The following FBN2 variants were observed in gnomAD, a reference collection of about 807,000 sequenced individuals.
FBN2 encodes the protein fibrillin 2.
FBN2 carries 105 observed loss-of-function variants against 355.6 expected under a neutral mutation model. The ratio of observed to expected loss-of-function variants is 0.30; its 90% CI spans 0.25 to 0.35. FBN2 has a LOEUF of 0.35. Ranked by LOEUF, FBN2 falls within the 10% of genes least tolerant of loss-of-function variation. FBN2 has a pLI of 1.00. For missense variants in FBN2, 3,280 were observed against 3,758.7 expected (o/e 0.87, Z 3.33); for synonymous variants, 1,350 against 1,301.2 (o/e 1.04, Z -0.81).
At chr5:128,465,007 C>T (rs1277603861) in intron 5 of FBN2, 86 bp from the exon 6 acceptor site, 1 of 1,278,312 alleles carries the variant, frequency 7.8e-7, no homozygotes, top group African/African-American at 1.5e-5. Flanking sequence ...AAAACAGAGA[C>T]TATTTCTTCT....
chr5:128,451,745 T>C (rs1024482885), intron 6 of FBN2, among the ~76,000 whole-genome samples: 9 of 152,190 alleles, frequency 5.9e-5, no homozygotes, highest in African/African-American at 2.2e-4. Flanking sequence ...CTCATTACAG[T>C]GTGGTATAAA....
At position 128,336,011 on chromosome 5, in the gene FBN2, G is replaced by A. The variant is rs368105987; in HGVS notation, c.3701C>T (p.Thr1234Met). The stretch of plus-strand genomic sequence containing the variant: ...ACCTGTACAGCCCTGGCGGTCTGGC[G>A]TAGCCTGATATCCAGGATTGCAAGA... ...QCSCNPGYQA[T>M]PDRQGCTDID... The change falls in exon 28 of 65, where the codon ACG (threonine) becomes ATG (methionine). Residue 1234 changes from threonine (T) to methionine (M), a missense_variant. Around this residue, in one of 6 missense-constraint regions of FBN2, gnomAD observed 2,284 missense variants for 2,749.5 expected, o/e 0.83. Transcript: ENST00000262464. 4.7e-5 allele frequency: 76 copies of A among 1,614,060 alleles called. No homozygotes were observed. Among genetic ancestry groups the A allele is most frequent in the South Asian group, 3.1e-4 (28 of 91,082 alleles).
rs1328293781 is a variant in FBN2 at position 128,514,045 on chromosome 5, T to C, written c.628+5228A>G. 2.6e-5 allele frequency among the ~76,000 whole-genome samples: 4 copies of C among 152,118 alleles called. No individual in the cohort carries two copies. In the South Asian group the frequency reaches 6.2e-4, roughly 24 times the overall value. ...AGAAATGTGTGTGTGTGTGTGTGTG[T>C]GCCTGAGGGTACATGTGAGTCTGAC... is the stretch of plus-strand genomic sequence containing the variant. On this transcript the variant is annotated intron_variant, in intron 5 of 64. Transcript: ENST00000262464.
chr5:128,471,829 T>C (rs1754868997), intron 5 of FBN2, among the ~76,000 whole-genome samples: 1 of 152,156 alleles, frequency 6.6e-6, no homozygotes, highest in South Asian at 2.1e-4. Context: ...ATACATGTAG[T>C]TTTTAATTTA....
At chr5:128,341,970 T>G (rs1295470162) in intron 25 of FBN2, among the ~76,000 whole-genome samples, 1 of 152,178 alleles carries the variant, frequency 6.6e-6, no homozygotes, top group East Asian at 1.9e-4. Context: ...ATACTCCTAA[T>G]GCATACAGGG....
At chr5:128,424,576 G>A (rs1216625083) in intron 7 of FBN2, among the ~76,000 whole-genome samples, 1 of 152,016 alleles carries the variant, frequency 6.6e-6, no homozygotes, top group Non-Finnish European at 1.5e-5. Flanking sequence ...ATTCTTTCTT[G>A]TCCCTCTTTT....
chr5:128,472,675 C>T (rs1754898106), intron 5 of FBN2, among the ~76,000 whole-genome samples: 1 of 151,846 alleles, frequency 6.6e-6, no homozygotes, highest in East Asian at 1.9e-4. Flanking sequence ...CCCATAATCC[C>T]AGCTACTCGG....
At chr5:128,489,809 ATG>A (rs1755450693) in intron 5 of FBN2, among the ~76,000 whole-genome samples, 1 of 152,172 alleles carries the variant, frequency 6.6e-6, no homozygotes. Context: ...AAGAAAAAGG[ATG>A]TGTGTTTGTG....
chr5:128,296,647 G>C (rs1292285801), intron 48 of FBN2, among the ~76,000 whole-genome samples: 1 of 152,142 alleles, frequency 6.6e-6, no homozygotes, highest in East Asian at 1.9e-4. Context: ...AGTATTCTCT[G>C]ATGGTAGTTT....
At chr5:128,438,821 T>C (rs894334968) in intron 7 of FBN2, among the ~76,000 whole-genome samples, 2 of 152,132 alleles carry the variant, frequency 1.3e-5, no homozygotes, top group Non-Finnish European at 2.9e-5. Flanking sequence ...TACATTTACA[T>C]GGTTCAAAGT....
intron 15 of FBN2, 92 bp from the exon 16 acceptor site, chr5:128,369,426 G>T: frequency 7.9e-7 from 1 of 1,262,748 alleles, no homozygotes; most frequent in Non-Finnish European, 1.1e-6. Flanking sequence ...GTGGCCACTA[G>T]ACTGGAAGCT....
At chr5:128,353,836 T>C (rs1417310888) in intron 20 of FBN2, among the ~76,000 whole-genome samples, 1 of 152,212 alleles carries the variant, frequency 6.6e-6, no homozygotes, top group East Asian at 1.9e-4. Flanking sequence ...TTCAAGCCCA[T>C]GCAGTCTGAC....
chr5:128,474,251 G>A lies in FBN2; in HGVS notation c.629-9330C>T, dbSNP rs570909316. Among the ~76,000 whole-genome samples the A allele has an allele frequency of 4.4e-4, 67 of 152,254 alleles. 1 individual carries two copies. Among genetic ancestry groups the A allele is most frequent in the African/African-American group, 1.4e-3 (58 of 41,560 alleles). On this transcript the variant is annotated intron_variant, in intron 5 of 64. Coordinates refer to ENST00000262464, the MANE Select transcript of FBN2 (RefSeq NM_001999.4). ...AAGATTAGTTAAGCAGAAGGATATC[G>A]TCACTTTTGAAGAAGAAAGTTAAAG...
At chr5:128,372,397 C>A (rs900374903) in intron 15 of FBN2, among the ~76,000 whole-genome samples, 1 of 152,178 alleles carries the variant, frequency 6.6e-6, no homozygotes, top group Non-Finnish European at 1.5e-5. Flanking sequence ...AACAAAAACA[C>A]ATCTTAATAT....
At chr5:128,449,358 AGTATACTGTATAATTT>A (rs1406380485) in intron 6 of FBN2, among the ~76,000 whole-genome samples, 5 of 145,750 alleles carry the variant, frequency 3.4e-5, no homozygotes, top group African/African-American at 1.3e-4. Flanking sequence ...TATACTATAT[AGTATACTGTATAATTT>A]ATAGTATACT....
intron 8 of FBN2, among the ~76,000 whole-genome samples, chr5:128,396,149 G>C (rs562148003): frequency 6.6e-6 from 1 of 152,292 alleles, no homozygotes; most frequent in African/African-American, 2.4e-5. Flanking sequence ...GAACTTGCTT[G>C]GGTGTGGGGT....
Position 128,434,394 on chromosome 5 carries a change from GTATATATATATATA to G in FBN2, c.952+12073_952+12086del, listed in dbSNP as rs6149234. 5.7e-4 allele frequency among the ~76,000 whole-genome samples: 52 copies of G among 91,670 alleles called. 4 individuals are homozygous for G. The highest frequency in any genetic ancestry group is 2.5e-3 in the East Asian group (9 of 3,614). 60.1% of individuals were successfully genotyped at this position (91,670 alleles called of 152,430 possible). A position where few individuals can be genotyped will look rare whatever the true frequency, so the allele number is the denominator to read the frequency against. Reference sequence around the variant, plus strand: ...CAATGCCTGGCAGTGAATAAAGTGTGTATATATATATATATATATATATATATATATGGGCAGTA... The same window carrying G: ...CAATGCCTGGCAGTGAATAAAGTGTGTATATATATATATATATGGGCAGTA... On this transcript the variant is annotated intron_variant, in intron 7 of 64. Coordinates refer to ENST00000262464, the MANE Select transcript of FBN2 (RefSeq NM_001999.4).
intron 35 of FBN2, 45 bp downstream of exon 35, chr5:128,318,834 C>T: frequency 6.3e-7 from 1 of 1,596,656 alleles, no homozygotes; most frequent in Non-Finnish European, 8.6e-7. Context: ...ACAGAATACT[C>T]ATTTCAATGA....
At chr5:128,364,186 T>C (rs1294159081) in intron 18 of FBN2, among the ~76,000 whole-genome samples, 1 of 152,212 alleles carries the variant, frequency 6.6e-6, no homozygotes, top group Non-Finnish European at 1.5e-5. Context: ...TTAGTTGTCA[T>C]GTTTAGGTAT....
Sources: gnomAD v4.1 joint callset for allele counts (sites outside exome capture counted in the v4.1 genomes callset) on GRCh38, gnomAD v4.1.1 for gene constraint, gnomAD v4.1.1 regional missense constraint, MANE v1.5 for transcripts, NCBI Gene and HGNC (gene_info 2026-07-23, HGNC 2026-07-21) for gene names.